The following GLRA3 variants were observed in gnomAD, a reference collection of about 807,000 sequenced individuals.
GLRA3 encodes glycine receptor alpha 3.
Under a neutral mutation model 60.4 loss-of-function variants are expected in GLRA3, and 44 were observed. That is an observed-to-expected ratio of 0.73 (90% CI 0.57 to 0.94). The LOEUF (loss-of-function observed/expected upper bound fraction) is 0.94, where lower values mean the gene tolerates loss of function less well. Among genes scored for constraint, GLRA3 ranks in the 40% least tolerant of loss-of-function variants. The pLI, the probability that GLRA3 is intolerant of heterozygous loss-of-function variation, is 0.00. For synonymous variants in GLRA3, 223 were observed against 192.9 expected (o/e 1.16, Z -1.29); for missense variants, 508 against 564.6 (o/e 0.90, Z 1.02).
intron 1 of GLRA3, among the ~76,000 whole-genome samples, chr4:174,798,141 G>A (rs1033641883): frequency 2.0e-5 from 3 of 152,178 alleles, no homozygotes; most frequent in African/African-American, 7.2e-5. Context: ...GGGCCACAAT[G>A]TTCCATGTAT....
rs1265024171 is a variant in GLRA3, at chr4:174,748,810, A to G, written c.267+18153T>C. On this transcript the variant is annotated intron_variant, in intron 3 of 9. Transcript: ENST00000274093. ...AGGTTTGTGTGAAAGACTAGCACTC[A>G]CCCTCCATTTGACCTGTCTTGTAAC... Among the ~76,000 whole-genome samples the G allele has an allele frequency of 2.6e-5, 4 of 152,138 alleles. No individual in the cohort carries two copies. The East Asian group carries it at 7.7e-4, about 29-fold the overall frequency.
At chr4:174,736,319 T>C (rs1032334074) in intron 3 of GLRA3, among the ~76,000 whole-genome samples, 3 of 152,156 alleles carry the variant, frequency 2.0e-5, no homozygotes, top group African/African-American at 7.2e-5. Flanking sequence ...TAAAAAATCG[T>C]GATCAAATAT....
At chr4:174,705,465 A>G (rs898032480) in intron 5 of GLRA3, among the ~76,000 whole-genome samples, 1 of 144,250 alleles carries the variant, frequency 6.9e-6, no homozygotes, top group Non-Finnish European at 1.5e-5. Context: ...AGAAGAAAAG[A>G]CTGATGAATT....
chr4:174,641,195 C>T lies in GLRA3; in HGVS notation c.*2591G>A, dbSNP rs576541286. 2 of 152,146 alleles carry T rather than the reference C, an allele frequency of 1.3e-5. No homozygotes were observed. Among genetic ancestry groups the T allele is most frequent in the Admixed American group, 1.3e-4 (2 of 15,278 alleles). The allele number at this position is 152,146 out of a possible 1,614,324, so 9.4% of individuals were successfully genotyped here. A position where few individuals can be genotyped will look rare whatever the true frequency, so the allele number is the denominator to read the frequency against. On this transcript the variant is annotated 3_prime_UTR_variant, in exon 10 of 10. Coordinates refer to ENST00000274093, the MANE Select transcript of GLRA3 (RefSeq NM_006529.4). ...CTAATGTGGCTATTTTAAAATACTT[C>T]AGAATATGCACATTGGAATTCCAAT...
chr4:174,822,730 T>G (rs1740789237), intron 1 of GLRA3, among the ~76,000 whole-genome samples: 1 of 152,240 alleles, frequency 6.6e-6, no homozygotes. Context: ...AATGTTTGTA[T>G]GTACTCATGG....
chr4:174,725,488 T>A (rs1736288121), intron 4 of GLRA3, among the ~76,000 whole-genome samples: 1 of 152,214 alleles, frequency 6.6e-6, no homozygotes, highest in African/African-American at 2.4e-5. Context: ...AACATTTTTG[T>A]CTTTTCTTTT....
intron 3 of GLRA3, among the ~76,000 whole-genome samples, chr4:174,757,181 CA>C (rs1489766063): frequency 1.3e-5 from 2 of 152,090 alleles, no homozygotes; most frequent in African/African-American, 4.8e-5. Context: ...ATTAAGTTAT[CA>C]AGTTGAGAAT....
At chr4:174,667,028 T>C (rs1733704043) in intron 7 of GLRA3, among the ~76,000 whole-genome samples, 1 of 152,130 alleles carries the variant, frequency 6.6e-6, no homozygotes, top group South Asian at 2.1e-4. Flanking sequence ...ACTGCATGTC[T>C]ACTTTGAGTC....
chr4:174,820,950 A>G (rs1435234937), intron 1 of GLRA3, among the ~76,000 whole-genome samples: 1 of 151,862 alleles, frequency 6.6e-6, no homozygotes, highest in Non-Finnish European at 1.5e-5. Context: ...TTTTGTACAT[A>G]TTTCCTAACT....
At chr4:174,674,513 C>G (rs926853814) in intron 7 of GLRA3, among the ~76,000 whole-genome samples, 1 of 152,110 alleles carries the variant, frequency 6.6e-6, no homozygotes, top group Non-Finnish European at 1.5e-5. Flanking sequence ...GGAATATCAG[C>G]TCTGTAGTTC....
chr4:174,690,153 A>G (rs946861323), intron 5 of GLRA3, among the ~76,000 whole-genome samples: 5 of 152,204 alleles, frequency 3.3e-5, no homozygotes, highest in Non-Finnish European at 7.4e-5. Flanking sequence ...ATGTGTACAC[A>G]TGGACTTAGA....
chr4:174,814,193 CTTCTTAGTACCTGAG>C (rs886608029), intron 1 of GLRA3, among the ~76,000 whole-genome samples: 1 of 152,164 alleles, frequency 6.6e-6, no homozygotes, highest in Non-Finnish European at 1.5e-5. Context: ...TTGCACTTGC[CTTCTTAGTACCTGAG>C]TTCTTGATGG....
chr4:174,788,470 T>A (rs1739201773), intron 2 of GLRA3, among the ~76,000 whole-genome samples: 2 of 151,276 alleles, frequency 1.3e-5, no homozygotes, highest in Admixed American at 1.3e-4. Flanking sequence ...TCACTAGCAA[T>A]TAAAGAAGCT....
chr4:174,792,546 G>T (rs572236936), intron 1 of GLRA3, among the ~76,000 whole-genome samples: 1 of 152,218 alleles, frequency 6.6e-6, no homozygotes, highest in African/African-American at 2.4e-5. Context: ...GCCCATACGT[G>T]TGGCCTTCCA....
At chr4:174,644,100 T>C (rs747482564) in intron 9 of GLRA3, 36 bp from the exon 10 acceptor site, 1 of 1,215,380 alleles carries the variant, frequency 8.2e-7, no homozygotes, top group South Asian at 1.3e-5. Context: ...CCTTTAATAA[T>C]ACAATAGAGC....
chr4:174,663,010 G>A (rs1265488198), intron 7 of GLRA3, among the ~76,000 whole-genome samples: 1 of 152,078 alleles, frequency 6.6e-6, no homozygotes, highest in Non-Finnish European at 1.5e-5. Context: ...CTGAATCATA[G>A]ATGACATATG....
intron 5 of GLRA3, among the ~76,000 whole-genome samples, chr4:174,702,098 C>T (rs781096324): frequency 3.3e-5 from 5 of 152,162 alleles, no homozygotes; most frequent in Non-Finnish European, 7.3e-5. Context: ...ATACTACAGA[C>T]AAATGTTTAA....
chr4:174,662,935 C>T (rs75021763), intron 7 of GLRA3, among the ~76,000 whole-genome samples: 13,632 of 148,630 alleles, frequency 0.092, 908 homozygotes, highest in African/African-American at 0.18. Flanking sequence ...ATGTACATAT[C>T]TGCTGAGTGA....
intron 3 of GLRA3, among the ~76,000 whole-genome samples, chr4:174,764,128 C>T (rs558537126): frequency 2.4e-4 from 37 of 152,036 alleles, no homozygotes; most frequent in Non-Finnish European, 4.4e-4. Flanking sequence ...AAACTGCACA[C>T]GCATTTTTTT....
Sources: gnomAD v4.1 joint callset for allele counts (sites outside exome capture counted in the v4.1 genomes callset) on GRCh38, gnomAD v4.1.1 for gene constraint, MANE v1.5 for transcripts, NCBI Gene and HGNC (gene_info 2026-07-23, HGNC 2026-07-21) for gene names.